The following MCM7 variants were observed in gnomAD, a reference collection of about 807,000 sequenced individuals.
The protein encoded by MCM7 is minichromosome maintenance complex component 7.
In MCM7, 95 loss-of-function variants were observed where a neutral mutation model predicts 83.5. The ratio of observed to expected loss-of-function variants is 1.14; its 90% CI spans 0.96 to 1.35. The LOEUF is 1.35. MCM7 is among the 40% of genes most tolerant of loss of function. The pLI is 0.00. For synonymous variants in MCM7, 461 were observed against 352.7 expected (o/e 1.31, Z -3.44); for missense variants, 1,087 against 957.4 (o/e 1.14, Z -1.79).
intron 1 of MCM7, chr7:100,100,361 T>G (rs1795909695): frequency 8.9e-7 from 1 of 1,117,610 alleles, no homozygotes; most frequent in African/African-American, 1.7e-5. Flanking sequence ...CTAGCGCCCT[T>G]CCCCGTTGGC....
Position 100,093,400 on chromosome 7 carries a change from G to A in MCM7, c.1850C>T (p.Ala617Val). The A allele has an allele frequency of 3.7e-6, 6 of 1,613,838 alleles. No homozygotes were observed. The highest frequency in any genetic ancestry group is 5.1e-6 in the Non-Finnish European group (6 of 1,179,792). Residue 617 changes from alanine (A) to valine (V), a missense_variant and splice_region_variant, in exon 14 of 15, where the codon GCA becomes GTA. Ala to Val is a moderately conservative substitution (Grantham distance 64, BLOSUM62 0). Coordinates refer to ENST00000303887, the MANE Select transcript of MCM7 (RefSeq NM_005916.5). ...CACCACATCCACCATTCTCAGACGTGCCTAAGGGGAAGGTAGGGGGGAAAG... is the reference window on the plus strand; with the variant it reads ...CACCACATCCACCATTCTCAGACGTACCTAAGGGGAAGGTAGGGGGGAAAG... ...LAILRLSTAL[A>V]RLRMVDVVEK...
At position 100,092,814 on chromosome 7, in the gene MCM7, G is replaced by C; in HGVS notation, c.*118C>G. The C allele has an allele frequency of 9.8e-7, 1 of 1,025,360 alleles. No homozygotes were observed. Among genetic ancestry groups the C allele is most frequent in the Non-Finnish European group, 1.5e-6 (1 of 680,754 alleles). The allele number at this position is 1,025,360 out of a possible 1,614,324, so 63.5% of individuals were successfully genotyped here. ...ACAAACACTTTTATTAGCAAAAGGA[G>C]TAAGTGCAGCATGGGAGAAAGAGGG... On this transcript the variant is annotated 3_prime_UTR_variant, in exon 15 of 15. Coordinates refer to ENST00000303887, the MANE Select transcript of MCM7 (RefSeq NM_005916.5).
intron 5 of MCM7, 21 bp downstream of exon 5, chr7:100,099,002 T>C: frequency 6.2e-7 from 1 of 1,613,208 alleles, no homozygotes; most frequent in Non-Finnish European, 8.5e-7. Context: ...AGTGCTTTCC[T>C]GCTTCTTGCT....
chr7:100,098,250 G>A lies in MCM7; in HGVS notation c.761C>T (p.Thr254Met), dbSNP rs200587772. 1.3e-4 allele frequency: 206 copies of A among 1,613,970 alleles called. No individual in the cohort carries two copies. Among genetic ancestry groups the A allele is most frequent in the Non-Finnish European group, 1.2e-4 (147 of 1,179,994 alleles). The change falls in exon 7 of 15, where the codon ACG becomes ATG. Residue 254 changes from threonine to methionine, a missense_variant. Thr to Met is a moderately conservative substitution (Grantham distance 81). Coordinates refer to ENST00000303887, the MANE Select transcript of MCM7 (RefSeq NM_005916.5). ...TGTGTTCTCTCCTTCTACCAGCACC[G>A]TGATACTACGAGGGATATTTCCCAC... ...VPVGNIPRSI[T>M]VLVEGENTRI...
chr7:100,101,193 A>T, intron 1 of MCM7, 71 bp downstream of exon 1: 9 of 1,586,118 alleles, frequency 5.7e-6, no homozygotes, highest in Non-Finnish European at 7.8e-6. Context: ...CCAAGACCCC[A>T]GCTCACACCA....
chr7:100,096,258 G>A (rs2116569158), intron 10 of MCM7, 91 bp from the exon 11 acceptor site: 1 of 1,310,804 alleles, frequency 7.6e-7, no homozygotes, highest in Non-Finnish European at 1.0e-6. Context: ...GGCGAGGCCT[G>A]CGCTGGGATC....
rs886103061 is a variant in MCM7 at position 100,095,644 on chromosome 7, A to G, written c.1595+130T>C. ...CCCACCATTTCCCTGAGAACCATGG[A>G]CCAGCCCCTGCTGCAAAGGGGAGGC... On this transcript the variant is annotated intron_variant, in intron 11 of 14. Transcript: ENST00000303887. The G allele has an allele frequency of 7.3e-6, 10 of 1,374,492 alleles. No homozygotes were observed. In the African/African-American group the frequency reaches 1.4e-4, roughly 20 times the overall value. 85.1% of individuals were successfully genotyped at this position (1,374,492 alleles called of 1,614,324 possible). A position where few individuals can be genotyped will look rare whatever the true frequency, so the allele number is the denominator to read the frequency against.
rs1238571864 is a variant in MCM7 at position 100,098,153 on chromosome 7, T to C, written c.858A>G (p.Arg286=). 3.1e-6 allele frequency: 5 copies of C among 1,614,110 alleles called. No individual in the cohort carries two copies. Among genetic ancestry groups the C allele is most frequent in the Non-Finnish European group, 4.2e-6 (5 of 1,179,998 alleles). The change falls in exon 7 of 15, where the codon CGA becomes CGG. Residue 286 remains arginine (R), a synonymous_variant. Transcript: ENST00000303887. ...IFLPILRTGF[R]QVVQGLLSET... ...AACTCTTCCTTACCTGTACCACCTG[T>C]CGGAACCCAGTGCGCAGGATTGGCA... is the stretch of plus-strand genomic sequence containing the variant.
rs770263756 is a variant in MCM7 at position 100,095,928 on chromosome 7, G to T, written c.1441C>A (p.Arg481Ser). 1 of 1,614,048 alleles carries T rather than the reference G, an allele frequency of 6.2e-7. No homozygotes were observed. Among genetic ancestry groups the T allele is most frequent in the Non-Finnish European group, 8.5e-7 (1 of 1,180,006 alleles). ...TTGGCGGCAGCCAGGATGGAGCAGC[G>T]GGCATTGAGTGTGGTGAGAATGCCG... The part of the protein sequence containing the change: ...KAGILTTLNA[R>S]CSILAAANPA... The change falls in exon 11 of 15, where the codon CGC (arginine) becomes AGC (serine). Residue 481 changes from arginine (R) to serine (S), a missense_variant. By Grantham distance (110) the Arg-to-Ser change is moderately radical. Coordinates refer to ENST00000303887, the MANE Select transcript of MCM7 (RefSeq NM_005916.5).
chr7:100,097,316 G>C lies in MCM7; in HGVS notation c.1186C>G (p.Arg396Gly). 6 of 1,614,068 alleles carry C rather than the reference G, an allele frequency of 3.7e-6. No homozygotes were observed. Among genetic ancestry groups the C allele is most frequent in the Non-Finnish European group, 4.2e-6 (5 of 1,179,984 alleles). The stretch of plus-strand genomic sequence containing the variant: ...AACTACTTACTGCGAGGCGCCAGTC[G>C]ATCAATGTATGACAGGAGCTGAGAC... ...AKSQLLSYIDRLAPRSQYTTG... is the reference protein window; with the variant it reads ...AKSQLLSYIDGLAPRSQYTTG... Residue 396 changes from arginine to glycine, a missense_variant, in exon 10 of 15, where the codon CGA becomes GGA. By Grantham distance (125) the Arg-to-Gly change is moderately radical. Coordinates refer to ENST00000303887, the MANE Select transcript of MCM7 (RefSeq NM_005916.5).
At position 100,098,735 on chromosome 7, in the gene MCM7, AC is replaced by A. The variant is rs1795775838; in HGVS notation, c.583-21del. 6.2e-7 allele frequency: 1 copy of A among 1,613,534 alleles called. No individual in the cohort carries two copies. The highest frequency in any genetic ancestry group is 1.3e-5 in the African/African-American group (1 of 74,868). On this transcript the variant is annotated intron_variant, in intron 5 of 14. Coordinates refer to ENST00000303887, the MANE Select transcript of MCM7 (RefSeq NM_005916.5). The stretch of plus-strand genomic sequence containing the variant: ...CTGGATCTAGGATGTGAGAACAGAA[AC>A]ACCAAAGGAACTCAGAAGGAAAAGA...
rs1795569237 is a variant in MCM7 at position 100,095,385 on chromosome 7, A to AC, written c.1679+1dup. Reference sequence around the variant, plus strand: ...TTGCCCACCCGCACCCAGCTCTCCTACCTCATGAGCTTCATGTCCAGAGGT... The same window carrying AC: ...TTGCCCACCCGCACCCAGCTCTCCTACCCTCATGAGCTTCATGTCCAGAGGT... On this transcript the variant is annotated splice_donor_variant, in intron 12 of 14. Transcript: ENST00000303887. LOFTEE classifies it high-confidence loss of function. The AC allele has an allele frequency of 6.2e-7, 1 of 1,612,076 alleles. No homozygotes were observed. Among genetic ancestry groups the AC allele is most frequent in the Admixed American group, 1.7e-5 (1 of 59,682 alleles).
At position 100,097,648 on chromosome 7, in the gene MCM7, A is replaced by G; in HGVS notation, c.1083T>C (p.Gly361=). Residue 361 remains glycine (G), a synonymous_variant, in exon 9 of 15, where the codon GGT becomes GGC. Transcript: ENST00000303887. ...TCATGCCTCGAGGAGACTGGTCCAC[A>G]CCCCCGACTAGCAGGAGCAGCAGTG... The part of the protein sequence containing the change: ...KKALLLLLVG[G]VDQSPRGMKI... The G allele has an allele frequency of 6.2e-7, 1 of 1,613,672 alleles. No individual in the cohort carries two copies. The highest frequency in any genetic ancestry group is 8.5e-7 in the Non-Finnish European group (1 of 1,179,976).
At position 100,098,457 on chromosome 7, in the gene MCM7, T is replaced by C. The variant is rs1795760733; in HGVS notation, c.720+121A>G. 12 of 1,517,000 alleles carry C rather than the reference T, an allele frequency of 7.9e-6. No individual in the cohort carries two copies. In the South Asian group the frequency reaches 1.5e-4, roughly 19 times the overall value. 94.0% of individuals were successfully genotyped at this position (1,517,000 alleles called of 1,614,324 possible). ...TCCCAAGGCTCCCAGGAAATTCTAG[T>C]TCCACCTCCCTCCTGCACTTCCCTC... On this transcript the variant is annotated intron_variant, in intron 6 of 14. Transcript: ENST00000303887.
intron 6 of MCM7, 74 bp downstream of exon 6, chr7:100,098,504 C>A: frequency 6.3e-7 from 1 of 1,589,158 alleles, no homozygotes; most frequent in Non-Finnish European, 8.6e-7. Context: ...TTTCTTCCTG[C>A]CATTCCACAA....
rs924764642 is a variant in MCM7, at chr7:100,098,768, T to C, written c.583-53A>G. On this transcript the variant is annotated intron_variant, in intron 5 of 14. Transcript: ENST00000303887. ...GGAACTCAGAAGGAAAAGAGCCCCA[T>C]TGGGTCGGTCCTTTGAATCACATTT... The C allele has an allele frequency of 1.1e-5, 17 of 1,605,314 alleles. No homozygotes were observed. The African/African-American group carries it at 1.1e-4, about 10-fold the overall frequency.
intron 10 of MCM7, among the ~76,000 whole-genome samples, chr7:100,096,679 G>T (rs967523219): frequency 1.3e-5 from 2 of 152,124 alleles, no homozygotes; most frequent in Non-Finnish European, 2.9e-5. Context: ...GGAGGCCGAA[G>T]CAGGAGAATT....
Position 100,099,064 on chromosome 7 carries a change from T to G in MCM7, c.541A>C (p.Thr181Pro). 6.2e-7 allele frequency: 1 copy of G among 1,614,180 alleles called. No individual in the cohort carries two copies. The highest frequency in any genetic ancestry group is 8.5e-7 in the Non-Finnish European group (1 of 1,180,022). ...SEVKPKMVVA[T>P]YTCDQCGAET... is the part of the protein sequence containing the mutation. ...GCCCCACACTGGTCACAAGTGTAAG[T>G]GGCCACCACCATCTTGGGTTTGACT... is the stretch of plus-strand genomic sequence containing the variant. Residue 181 changes from threonine to proline, a missense_variant, in exon 5 of 15, where the codon ACT becomes CCT. Thr to Pro is a conservative substitution (Grantham distance 38, BLOSUM62 -1). Transcript: ENST00000303887.
Position 100,101,344 on chromosome 7 carries a change from C to T in MCM7, c.-50G>A, listed in dbSNP as rs372575996. ...GCTTGGCGGGCTCAGAGGTCTTGCT[C>T]CTGGGGAAGCTGAGAATCTCCGCGC... On this transcript the variant is annotated 5_prime_UTR_variant, in exon 1 of 15. Transcript: ENST00000303887. 1.5e-4 allele frequency: 237 copies of T among 1,610,704 alleles called. No individual in the cohort carries two copies. Among genetic ancestry groups the T allele is most frequent in the Non-Finnish European group, 1.6e-4 (192 of 1,179,208 alleles).
Sources: gnomAD v4.1 joint callset for allele counts (sites outside exome capture counted in the v4.1 genomes callset) on GRCh38, gnomAD v4.1.1 for gene constraint, MANE v1.5 for transcripts, NCBI Gene and HGNC (gene_info 2026-07-23, HGNC 2026-07-21) for gene names.